The following SNED1 variants were observed in gnomAD, a reference collection of about 807,000 sequenced individuals.
SNED1 encodes the protein sushi, nidogen and EGF like domains 1.
A neutral mutation model predicts 166.7 loss-of-function variants in SNED1; 81 were observed. That is an observed-to-expected ratio of 0.49 (90% CI 0.41 to 0.58). The LOEUF is 0.58. Among genes scored for constraint, SNED1 ranks in the 20% least tolerant of loss-of-function variants. The pLI is 0.00. For missense variants in SNED1, 1,604 were observed against 2,000.2 expected, an observed-to-expected ratio of 0.80 and a Z score of 3.78; for synonymous variants, 762 against 822.0, an observed-to-expected ratio of 0.93 and a Z score of 1.25.
chr2:241,008,697 T>C (rs546534227), intron 1 of SNED1, among the ~76,000 whole-genome samples: 6 of 152,318 alleles, frequency 3.9e-5, no homozygotes, highest in South Asian at 2.1e-4. Context: ...AGGTGTCAGT[T>C]ATTAGACACC....
At chr2:241,087,225 A>ATGTT (rs1455414289) in intron 29 of SNED1, 167 bp from the exon 30 acceptor site, 1 of 608,008 alleles carries the variant, frequency 1.6e-6, no homozygotes, top group Non-Finnish European at 2.9e-6. Flanking sequence ...CATGACCTTT[A>ATGTT]TGTTAGACAT....
chr2:241,076,882 G>C (rs2063047511), intron 27 of SNED1, among the ~76,000 whole-genome samples: 1 of 152,206 alleles, frequency 6.6e-6, no homozygotes, highest in African/African-American at 2.4e-5. Context: ...ACCAGGTCAG[G>C]AGATCGAGAC....
At position 241,087,433 on chromosome 2, in the gene SNED1, A is replaced by G. The variant is rs1166874634; in HGVS notation, c.4163A>G (p.Lys1388Arg). Residue 1388 changes from lysine to arginine, a missense_variant, in exon 30 of 32, where the codon AAA becomes AGA. By Grantham distance (26) the Lys-to-Arg change is conservative (BLOSUM62 2). Transcript: ENST00000310397. The stretch of plus-strand genomic sequence containing the variant: ...CGAGTTCACCAAGACATCTGCTTCA[A>G]AGAGAGCTGTGAAAGCACAAGCCTC... ...VYRVHQDICF[K>R]ESCESTSLKK... The G allele has an allele frequency of 6.2e-7, 1 of 1,604,864 alleles. No homozygotes were observed. The highest frequency in any genetic ancestry group is 8.5e-7 in the Non-Finnish European group (1 of 1,175,676).
At chr2:241,032,540 C>G (rs890688707) in intron 2 of SNED1, among the ~76,000 whole-genome samples, 9 of 151,866 alleles carry the variant, frequency 5.9e-5, no homozygotes, top group Non-Finnish European at 1.3e-4. Flanking sequence ...ATGTAAATGA[C>G]TAGGTAATGG....
intron 16 of SNED1, among the ~76,000 whole-genome samples, chr2:241,061,868 GA>G (rs958279032): frequency 1.2e-4 from 18 of 147,596 alleles, no homozygotes; most frequent in South Asian, 6.5e-4. Flanking sequence ...AAAAAAAAAA[GA>G]AAAAAAGAAA....
Position 241,094,115 on chromosome 2 carries a change from CCAAA to C in SNED1, c.*2482_*2485del, listed in dbSNP as rs1434467830. On this transcript the variant is annotated 3_prime_UTR_variant, in exon 32 of 32. Transcript: ENST00000310397. The surrounding 1 kb of genome is among the most constrained non-coding windows in gnomAD (Gnocchi z 4.3). The stretch of plus-strand genomic sequence containing the variant: ...ACTGGCACAGTGAAATGTCTCATTT[CCAAA>C]CAGTTTTGCCTATGGCCAAGCAAGG... 5 of 352,402 alleles carry C rather than the reference CCAAA, an allele frequency of 1.4e-5. No individual in the cohort carries two copies. Among genetic ancestry groups the C allele is most frequent in the Non-Finnish European group, 2.3e-5 (4 of 173,518 alleles). The allele number at this position is 352,402 out of a possible 1,614,324, so 21.8% of individuals were successfully genotyped here.
intron 16 of SNED1, among the ~76,000 whole-genome samples, chr2:241,057,617 G>A (rs184516431): frequency 6.6e-6 from 1 of 151,788 alleles, no homozygotes; most frequent in African/African-American, 2.4e-5. Context: ...CCAGGAATTC[G>A]AGGCTATAGT....
At chr2:241,088,431 C>T (rs913462110) in intron 31 of SNED1, 29 bp downstream of exon 31, 1 of 1,590,086 alleles carries the variant, frequency 6.3e-7, no homozygotes, top group Non-Finnish European at 8.6e-7. Flanking sequence ...CGCCCCACTA[C>T]CACAGAGCTG....
At chr2:241,063,372 C>T in intron 17 of SNED1, 1 of 590,952 alleles carries the variant, frequency 1.7e-6, no homozygotes, top group South Asian at 1.9e-5. Context: ...AAGGCATGGC[C>T]TGGAGGTGGG....
intron 1 of SNED1, among the ~76,000 whole-genome samples, chr2:241,022,658 C>G (rs1167512457): frequency 3.9e-5 from 6 of 152,162 alleles, no homozygotes; most frequent in Non-Finnish European, 7.3e-5. Flanking sequence ...AGAACATTCT[C>G]CACTGGGATC....
At chr2:241,001,671 T>G (rs1387366516) in intron 1 of SNED1, among the ~76,000 whole-genome samples, 1 of 152,114 alleles carries the variant, frequency 6.6e-6, no homozygotes, top group African/African-American at 2.4e-5. Context: ...CTTATGCAGG[T>G]GGAGTGGTTT....
chr2:241,045,734 A>G (rs1237839501), intron 8 of SNED1, among the ~76,000 whole-genome samples: 1 of 151,754 alleles, frequency 6.6e-6, no homozygotes, highest in African/African-American at 2.4e-5. Flanking sequence ...AAAATTTATG[A>G]CCTGGTCTTA....
intron 15 of SNED1, 69 bp downstream of exon 15, chr2:241,052,537 C>T: frequency 9.1e-7 from 1 of 1,097,904 alleles, no homozygotes; most frequent in South Asian, 1.4e-5. Flanking sequence ...ATGGCCAGGG[C>T]CCAAGCAGGG....
At chr2:241,083,256 A>T (rs1197717129) in intron 29 of SNED1, among the ~76,000 whole-genome samples, 1 of 152,172 alleles carries the variant, frequency 6.6e-6, no homozygotes, top group Admixed American at 6.5e-5. Context: ...GCCAGAGGAC[A>T]GTTACCAGGG....
chr2:241,078,249 G>A (rs2063133380), intron 27 of SNED1, among the ~76,000 whole-genome samples: 1 of 151,644 alleles, frequency 6.6e-6, no homozygotes, highest in Non-Finnish European at 1.5e-5. Flanking sequence ...TGGGCGTGGT[G>A]GCGGGCGCCT....
In SNED1 at chr2:241,095,505, A is replaced by C. The variant is rs2064354241; in HGVS notation, c.*3869A>C. ...ATATACTTTTGGATTAAAAATAAGCATTTTTGTGGAAAATCTGCTACATGT... is the reference window on the plus strand; with the variant it reads ...ATATACTTTTGGATTAAAAATAAGCCTTTTTGTGGAAAATCTGCTACATGT... On this transcript the variant is annotated 3_prime_UTR_variant, in exon 32 of 32. Coordinates refer to ENST00000310397, the MANE Select transcript of SNED1 (RefSeq NM_001080437.3). 1 of 160,804 alleles carries C rather than the reference A, an allele frequency of 6.2e-6. No individual in the cohort carries two copies. Among genetic ancestry groups the C allele is most frequent in the Non-Finnish European group, 1.4e-5 (1 of 72,680 alleles). 10.0% of individuals were successfully genotyped at this position (160,804 alleles called of 1,614,324 possible). A position where few individuals can be genotyped will look rare whatever the true frequency, so the allele number is the denominator to read the frequency against.
chr2:241,009,462 C>T (rs550637035), intron 1 of SNED1, among the ~76,000 whole-genome samples: 2 of 152,200 alleles, frequency 1.3e-5, no homozygotes, highest in South Asian at 2.1e-4. Context: ...GAGCAGGCGG[C>T]AGGAGCTGCT....
rs369648878 is a variant in SNED1, at chr2:241,052,144, G to A, written c.1956G>A (p.Arg652=). Residue 652 remains arginine, a synonymous_variant, in exon 14 of 32, where the codon CGG becomes CGA. Transcript: ENST00000310397. ...KCDCPPGFSG[R]HCEIAPSPCF... Reference sequence around the variant, plus strand: ...ACTGTCCCCCAGGCTTCTCCGGGCGGCACTGCGAGATAGGTAAGGTGGGTG... The same window carrying A: ...ACTGTCCCCCAGGCTTCTCCGGGCGACACTGCGAGATAGGTAAGGTGGGTG... 1 of 1,613,488 alleles carries A rather than the reference G, an allele frequency of 6.2e-7. No homozygotes were observed. The highest frequency in any genetic ancestry group is 1.3e-5 in the African/African-American group (1 of 74,890).
intron 1 of SNED1, among the ~76,000 whole-genome samples, chr2:241,014,279 G>A (rs1284029231): frequency 6.6e-6 from 1 of 152,190 alleles, no homozygotes; most frequent in African/African-American, 2.4e-5. Context: ...AAAGGTGTGA[G>A]CCACCATGCC....
Sources: gnomAD v4.1 joint callset for allele counts (sites outside exome capture counted in the v4.1 genomes callset) on GRCh38, gnomAD v4.1.1 for gene constraint, Gnocchi (gnomAD v3.1) non-coding constraint, MANE v1.5 for transcripts, NCBI Gene and HGNC (gene_info 2026-07-23, HGNC 2026-07-21) for gene names.